Variants in SGCD observed in about 807,000 individuals in gnomAD.
The protein encoded by SGCD is delta-sarcoglycan.
Under a neutral mutation model 36.6 loss-of-function variants are expected in SGCD, and 18 were observed. The ratio of observed to expected loss-of-function variants is 0.49; its 90% confidence interval spans 0.34 to 0.73. The LOEUF (loss-of-function observed/expected upper bound fraction) is 0.73. SGCD is among the 30% of genes least tolerant of loss of function. SGCD has a pLI of 0.01. For missense variants in SGCD, 387 were observed against 346.7 expected (o/e 1.12, Z -0.92); for synonymous variants, 133 against 130.6 (o/e 1.02, Z -0.12).
intron 3 of SGCD, among the ~76,000 whole-genome samples, chr5:156,277,398 A>G (rs1027811412): frequency 6.6e-6 from 1 of 152,182 alleles, no homozygotes; most frequent in Non-Finnish European, 1.5e-5. Flanking sequence ...GCCGATGGTT[A>G]GTAGCTAACA....
At chr5:156,539,123 C>A (rs909361760) in intron 4 of SGCD, among the ~76,000 whole-genome samples, 3 of 151,862 alleles carry the variant, frequency 2.0e-5, no homozygotes, top group African/African-American at 4.8e-5. Context: ...GTCTAAGGTT[C>A]GTGTATTGAG....
intron 1 of SGCD, among the ~76,000 whole-genome samples, chr5:156,050,484 CA>C (rs1463076212): frequency 6.8e-6 from 1 of 146,644 alleles, no homozygotes; most frequent in East Asian, 1.9e-4. Flanking sequence ...TCTTATGACT[CA>C]CCTTATTGTG....
rs549158829 is a variant in SGCD at position 156,140,957 on chromosome 5, A to AG, written c.-44+16945dup. On this transcript the variant is annotated intron_variant, in intron 3 of 9. Transcript: ENST00000517913. The stretch of plus-strand genomic sequence containing the variant: ...GGCCCTGGGGCAGAACAGTTTTAAG[A>AG]GGGGGGGCCCAGGAGGCTGTGGAAT... Among the ~76,000 whole-genome samples the AG allele has an allele frequency of 3.9e-5, 6 of 152,178 alleles. No individual in the cohort carries two copies. The East Asian group carries it at 7.7e-4, about 20-fold the overall frequency.
intron 6 of SGCD, among the ~76,000 whole-genome samples, chr5:156,611,755 T>A (rs400303): frequency 0.32 from 48,292 of 152,108 alleles, 8,576 homozygotes; most frequent in African/African-American, 0.49. Context: ...TAAATCTTGT[T>A]GGCTATCTTT....
At chr5:156,338,158 A>G (rs1768455582) in intron 2 of SGCD, among the ~76,000 whole-genome samples, 1 of 77,630 alleles carries the variant, frequency 1.3e-5, no homozygotes, top group African/African-American at 7.9e-5. Context: ...TAGGAAGTTC[A>G]CTGGGTTTTT....
At chr5:156,230,835 G>A (rs1194495556) in intron 3 of SGCD, among the ~76,000 whole-genome samples, 2 of 152,092 alleles carry the variant, frequency 1.3e-5, no homozygotes, top group East Asian at 3.9e-4. Context: ...TAAATGCTTA[G>A]TAACTGTTTA....
intron 3 of SGCD, among the ~76,000 whole-genome samples, chr5:156,494,146 G>T (rs2127853177): frequency 6.6e-6 from 1 of 152,184 alleles, no homozygotes; most frequent in African/African-American, 2.4e-5. Flanking sequence ...TCACTATAGG[G>T]CTGCTGTTGA....
At position 156,089,652 on chromosome 5, in the gene SGCD, G is replaced by T. The variant is rs563628532; in HGVS notation, c.-281-28226G>T. On this transcript the variant is annotated intron_variant, in intron 1 of 9. Coordinates refer to the SGCD transcript ENST00000517913. ...AGTGAGACTTGAGTGAAGTAAACCT[G>T]TTTGTCCTCAAAATGGCATAGCCTT... is the stretch of plus-strand genomic sequence containing the variant. Among the ~76,000 whole-genome samples, 302 of 152,330 alleles carry T rather than the reference G, an allele frequency of 2.0e-3. 1 individual carries two copies. The highest frequency in any genetic ancestry group is 6.9e-3 in the African/African-American group (286 of 41,564).
intron 3 of SGCD, among the ~76,000 whole-genome samples, chr5:156,372,548 A>G (rs1306668534): frequency 6.6e-6 from 1 of 152,214 alleles, no homozygotes; most frequent in Non-Finnish European, 1.5e-5. Flanking sequence ...ATAGGAGCAC[A>G]TATAATCACA....
At chr5:156,096,482 A>G (rs1417836345) in intron 1 of SGCD, among the ~76,000 whole-genome samples, 2 of 152,178 alleles carry the variant, frequency 1.3e-5, no homozygotes, top group Non-Finnish European at 2.9e-5. Context: ...GGGTGAGGAG[A>G]TGCCCTTCTA....
At chr5:156,611,817 C>A (rs566178406) in intron 6 of SGCD, among the ~76,000 whole-genome samples, 1 of 152,224 alleles carries the variant, frequency 6.6e-6, no homozygotes, top group Non-Finnish European at 1.5e-5. Flanking sequence ...TTCAAAATAC[C>A]TGTCTTCATG....
At chr5:156,218,441 G>A (rs968732581) in intron 3 of SGCD, among the ~76,000 whole-genome samples, 2 of 151,958 alleles carry the variant, frequency 1.3e-5, no homozygotes, top group Non-Finnish European at 2.9e-5. Context: ...TTCATAAGAT[G>A]GCAAAAAATT....
intron 3 of SGCD, among the ~76,000 whole-genome samples, chr5:156,234,748 T>C (rs937566473): frequency 5.9e-5 from 9 of 152,180 alleles, no homozygotes; most frequent in Non-Finnish European, 1.5e-5. Flanking sequence ...CTGCTGGGTT[T>C]AGACCCTAGG....
intron 7 of SGCD, among the ~76,000 whole-genome samples, chr5:156,654,774 A>T (rs1763608329): frequency 6.6e-6 from 1 of 152,170 alleles, no homozygotes; most frequent in African/African-American, 2.4e-5. Context: ...TTAAAGTTAA[A>T]AAAGAGTTAT....
At chr5:156,158,509 G>T (rs1459055871) in intron 3 of SGCD, among the ~76,000 whole-genome samples, 2 of 151,450 alleles carry the variant, frequency 1.3e-5, no homozygotes, top group Non-Finnish European at 2.9e-5. Context: ...AAAGGGGAGA[G>T]GGGAGGGAAC....
chr5:155,834,078 C>A, the SGCD span, among the ~76,000 whole-genome samples: 1 of 152,206 alleles, frequency 6.6e-6, no homozygotes. Flanking sequence ...CCCAAATGCC[C>A]ATGCAGAGTT....
At chr5:156,195,340 G>A (rs1306304986) in intron 3 of SGCD, among the ~76,000 whole-genome samples, 2 of 152,138 alleles carry the variant, frequency 1.3e-5, no homozygotes, top group Non-Finnish European at 2.9e-5. Flanking sequence ...TGCCATTAGA[G>A]AAATTAGTGT....
At chr5:155,978,540 T>C (rs1255543607) in intron 1 of SGCD, among the ~76,000 whole-genome samples, 1 of 152,282 alleles carries the variant, frequency 6.6e-6, no homozygotes, top group Non-Finnish European at 1.5e-5. Flanking sequence ...ACCAATGAGA[T>C]GTGTTAACTA....
intron 1 of SGCD, among the ~76,000 whole-genome samples, chr5:155,907,363 T>A (rs955746329): frequency 2.0e-5 from 3 of 152,172 alleles, no homozygotes; most frequent in Admixed American, 1.3e-4. Context: ...ATCAAGGAGT[T>A]ACTTTGACTT....
Sources: allele counts gnomAD v4.1 joint callset (sites outside exome capture counted in the v4.1 genomes callset), GRCh38; gene constraint gnomAD v4.1.1; transcripts MANE v1.5; gene names NCBI Gene and HGNC (gene_info 2026-07-23, HGNC 2026-07-21).